The following EDIL3 variants were observed in gnomAD, a reference collection of about 807,000 sequenced individuals.
EDIL3 encodes EGF like and discoidin domains 3.
EDIL3 carries 37 observed loss-of-function variants against 67.4 expected under a neutral mutation model. The observed-to-expected ratio is 0.55, with a 90% confidence interval of 0.42 to 0.72. The LOEUF (loss-of-function observed/expected upper bound fraction) is 0.72, where lower values mean the gene tolerates loss of function less well. Among genes scored for constraint, EDIL3 ranks in the 30% least tolerant of loss-of-function variants. The probability of loss-of-function intolerance (pLI) is 0.00; values close to 1 mark genes in which losing one functional copy is unlikely to be tolerated. For synonymous variants in EDIL3, 195 were observed against 196.3 expected (o/e 0.99, Z 0.05); for missense variants, 527 against 586.3 (o/e 0.90, Z 1.04).
At chr5:84,049,812 ACATTTTTG>A (rs1438911544) in intron 9 of EDIL3, among the ~76,000 whole-genome samples, 1 of 152,132 alleles carries the variant, frequency 6.6e-6, no homozygotes, top group African/African-American at 2.4e-5. Context: ...AGGCCCTCAC[ACATTTTTG>A]CCATGTCCCG....
chr5:84,050,561 T>C (rs556876190), intron 9 of EDIL3, among the ~76,000 whole-genome samples: 70 of 152,300 alleles, frequency 4.6e-4, no homozygotes, highest in African/African-American at 1.7e-3. Flanking sequence ...TTCCCTTTCA[T>C]AGCCAAGCAA....
intron 9 of EDIL3, among the ~76,000 whole-genome samples, chr5:83,980,193 C>A (rs1744945102): frequency 6.6e-6 from 1 of 151,598 alleles, no homozygotes; most frequent in African/African-American, 2.4e-5. Flanking sequence ...TTCTTGCTGT[C>A]CTGAGATTGT....
intron 5 of EDIL3, among the ~76,000 whole-genome samples, chr5:84,120,057 A>T (rs987730442): frequency 7.2e-5 from 11 of 152,076 alleles, no homozygotes; most frequent in South Asian, 2.1e-4. Context: ...GAGATTTTTA[A>T]AAAAAACTAT....
intron 9 of EDIL3, among the ~76,000 whole-genome samples, chr5:83,994,380 CTTT>C (rs34951042): frequency 7.0e-6 from 1 of 143,826 alleles, no homozygotes. Flanking sequence ...TTTCACAAGG[CTTT>C]TTTTTTTTTC....
intron 9 of EDIL3, among the ~76,000 whole-genome samples, chr5:83,969,396 CA>C (rs1561388706): frequency 6.6e-6 from 1 of 151,478 alleles, no homozygotes; most frequent in African/African-American, 2.4e-5. Context: ...TAAAAATAAA[CA>C]AAAAAGGCCT....
At chr5:84,114,148 GTTTTT>G (rs918208407) in intron 5 of EDIL3, among the ~76,000 whole-genome samples, 1 of 109,840 alleles carries the variant, frequency 9.1e-6, no homozygotes. Flanking sequence ...GAACCCTAAA[GTTTTT>G]TTTTTTTTTT....
chr5:84,269,673 T>C (rs1348211172), intron 1 of EDIL3, among the ~76,000 whole-genome samples: 1 of 152,198 alleles, frequency 6.6e-6, no homozygotes, highest in South Asian at 2.1e-4. Context: ...ATCTACTTTA[T>C]TGCATAACTA....
At chr5:84,171,169 A>T (rs756240361) in intron 4 of EDIL3, among the ~76,000 whole-genome samples, 6 of 152,310 alleles carry the variant, frequency 3.9e-5, no homozygotes, top group South Asian at 2.1e-4. Flanking sequence ...GGCAAAATGC[A>T]TCTAACATTT....
rs191394495 is a variant in EDIL3, at chr5:84,085,762, G to C, written c.652-19156C>G. 2.0e-4 allele frequency among the ~76,000 whole-genome samples: 30 copies of C among 152,304 alleles called. No homozygotes were observed. The East Asian group carries it at 5.8e-3, about 29-fold the overall frequency. ...TGCTCTCTTCAGAGCCAGCAGGCAG[G>C]AAAGATTAAGTCCACTGAAGCTGTG... On this transcript the variant is annotated intron_variant, in intron 6 of 10. Coordinates refer to ENST00000296591, the MANE Select transcript of EDIL3 (RefSeq NM_005711.5).
At chr5:83,947,486 A>G (rs1044748914) in intron 10 of EDIL3, among the ~76,000 whole-genome samples, 9 of 151,696 alleles carry the variant, frequency 5.9e-5, no homozygotes, top group African/African-American at 2.2e-4. Context: ...CCAGAGCACT[A>G]ATGGAGAAGT....
intron 9 of EDIL3, among the ~76,000 whole-genome samples, chr5:84,029,766 C>T (rs1745883294): frequency 6.6e-6 from 1 of 152,170 alleles, no homozygotes; most frequent in Non-Finnish European, 1.5e-5. Flanking sequence ...GGGACATCCT[C>T]ACAGGGCACT....
Position 84,267,550 on chromosome 5 carries a change from C to A in EDIL3, c.68-13338G>T, listed in dbSNP as rs1220178609. 2.6e-5 allele frequency among the ~76,000 whole-genome samples: 4 copies of A among 152,156 alleles called. No individual in the cohort carries two copies. In the East Asian group the frequency reaches 5.8e-4, roughly 22 times the overall value. The stretch of plus-strand genomic sequence containing the variant: ...TTTATTTGAGTATTACAAAAGGAAC[C>A]CATCTATGGCTTCCAATCTTCCTTG... On this transcript the variant is annotated intron_variant, in intron 1 of 10. Coordinates refer to ENST00000296591, the MANE Select transcript of EDIL3 (RefSeq NM_005711.5).
At chr5:84,242,231 CA>C (rs566552784) in intron 2 of EDIL3, among the ~76,000 whole-genome samples, 2,651 of 130,500 alleles carry the variant, frequency 0.02, 64 homozygotes, top group African/African-American at 0.065. Context: ...GACTCTGTCT[CA>C]AAAAAAAAAA....
chr5:84,034,749 T>C (rs1267897418), intron 9 of EDIL3, among the ~76,000 whole-genome samples: 2 of 152,174 alleles, frequency 1.3e-5, no homozygotes, highest in Non-Finnish European at 2.9e-5. Context: ...GGTGAATTCA[T>C]AGATCCAGCT....
intron 9 of EDIL3, among the ~76,000 whole-genome samples, chr5:84,037,985 C>CTTCTTT (rs1580292622): frequency 1.0e-5 from 1 of 99,646 alleles, no homozygotes; most frequent in African/African-American, 5.3e-5. Flanking sequence ...TTCTTTCTTT[C>CTTCTTT]TTGTTTTTTT....
At chr5:84,220,520 T>C (rs1744321128) in intron 3 of EDIL3, among the ~76,000 whole-genome samples, 1 of 152,100 alleles carries the variant, frequency 6.6e-6, no homozygotes, top group African/African-American at 2.4e-5. Context: ...CATAGCAAAG[T>C]ATAGAAAAAT....
intron 9 of EDIL3, among the ~76,000 whole-genome samples, chr5:84,022,867 T>C (rs1745744288): frequency 6.6e-6 from 1 of 151,976 alleles, no homozygotes; most frequent in Non-Finnish European, 1.5e-5. Flanking sequence ...AGCAACAATG[T>C]ACTATATATT....
At chr5:84,103,324 CA>C (rs1747401343) in intron 6 of EDIL3, among the ~76,000 whole-genome samples, 1 of 151,912 alleles carries the variant, frequency 6.6e-6, no homozygotes, top group African/African-American at 2.4e-5. Context: ...TATTTCATGA[CA>C]AAGAGACGGA....
Position 83,963,262 on chromosome 5 carries a change from G to A in EDIL3, c.1236C>T (p.Tyr412=), listed in dbSNP as rs536188516. 3 of 1,609,966 alleles carry A rather than the reference G, an allele frequency of 1.9e-6. No homozygotes were observed. In the South Asian group the frequency reaches 3.3e-5, roughly 18 times the overall value. The change falls in exon 10 of 11, where the codon TAC becomes TAT. Residue 412 remains tyrosine (Y), a synonymous_variant. Transcript: ENST00000296591. ...VQFVGSYKLA[Y]SNDGEHWTVY... ...CAGTCCAGTGTTCTCCATCATTGCTGTAAGCCAGTTTGTAGGAGCCAACAA... is the reference window on the plus strand; with the variant it reads ...CAGTCCAGTGTTCTCCATCATTGCTATAAGCCAGTTTGTAGGAGCCAACAA...
Sources: allele counts gnomAD v4.1 joint callset (sites outside exome capture counted in the v4.1 genomes callset), GRCh38; gene constraint gnomAD v4.1.1; transcripts MANE v1.5; gene names NCBI Gene and HGNC (gene_info 2026-07-23, HGNC 2026-07-21).